SYT2: variants seen among roughly 807,000 people sequenced by gnomAD.
SYT2 encodes synaptotagmin 2, also known as synaptotagmin-2.
In SYT2, 15 loss-of-function variants were observed where a neutral mutation model predicts 39.9. The observed-to-expected ratio is 0.38, with a 90% CI of 0.25 to 0.58. The LOEUF (loss-of-function observed/expected upper bound fraction) is 0.58. Ranked by LOEUF, SYT2 falls within the 20% of genes least tolerant of loss-of-function variation. The probability of loss-of-function intolerance (pLI) is 0.70; values close to 1 mark genes in which losing one functional copy is unlikely to be tolerated. For synonymous variants in SYT2, 181 were observed against 204.5 expected (o/e 0.89, Z 0.98); for missense variants, 389 against 530.3 (o/e 0.73, Z 2.62).
intron 1 of SYT2, among the ~76,000 whole-genome samples, chr1:202,609,730 T>C (rs1340150165): frequency 1.3e-5 from 2 of 152,192 alleles, no homozygotes; most frequent in African/African-American, 2.4e-5. Flanking sequence ...CACTTTTTGA[T>C]GGGGTTGTTT....
At chr1:202,663,511 C>G (rs180761756) in intron 1 of SYT2, among the ~76,000 whole-genome samples, 2 of 152,358 alleles carry the variant, frequency 1.3e-5, no homozygotes, top group Non-Finnish European at 1.5e-5. Context: ...GTTCACTCCA[C>G]TTCGAAACCT....
Position 202,637,161 on chromosome 1 carries a change from AAAC to A in SYT2, c.-17-31375_-17-31373del, listed in dbSNP as rs199970116. Among the ~76,000 whole-genome samples, 242 of 152,176 alleles carry A rather than the reference AAAC, an allele frequency of 1.6e-3. 4 individuals carry two copies. In the East Asian group the frequency reaches 0.038, roughly 24 times the overall value. On this transcript the variant is annotated intron_variant, in intron 1 of 8. Coordinates refer to ENST00000367268, the MANE Select transcript of SYT2 (RefSeq NM_177402.5). ...ACATGGTGAAACCCTGCCTCTACCA[AAAC>A]AACAACAACAACAAAGAAAAACCTC... is the stretch of plus-strand genomic sequence containing the variant.
At chr1:202,659,714 T>C (rs865984088) in intron 1 of SYT2, among the ~76,000 whole-genome samples, 2 of 152,218 alleles carry the variant, frequency 1.3e-5, no homozygotes, top group Middle Eastern at 3.4e-3. Flanking sequence ...GCCCTTCTCC[T>C]CTAATGTTGG....
At chr1:202,649,915 C>T (rs1271699341) in intron 1 of SYT2, among the ~76,000 whole-genome samples, 5 of 152,246 alleles carry the variant, frequency 3.3e-5, no homozygotes, top group Non-Finnish European at 7.3e-5. Context: ...TTGCCCAAGA[C>T]CGCACAGCCA....
Position 202,595,385 on chromosome 1 carries a change from C to G in SYT2, c.*1372G>C, listed in dbSNP as rs754950679. 6.6e-6 allele frequency: 1 copy of G among 152,230 alleles called. No individual in the cohort carries two copies. Among genetic ancestry groups the G allele is most frequent in the South Asian group, 2.1e-4 (1 of 4,836 alleles). 9.4% of individuals were successfully genotyped at this position (152,230 alleles called of 1,614,324 possible). A position where few individuals can be genotyped will look rare whatever the true frequency, so the allele number is the denominator to read the frequency against. ...CTTAGCATTCATAGAGAGAAGCCCC[C>G]TAATGGTAGGACGGGTCCTTCCCAT... On this transcript the variant is annotated 3_prime_UTR_variant, in exon 9 of 9. Coordinates refer to ENST00000367268, the MANE Select transcript of SYT2 (RefSeq NM_177402.5).
At position 202,599,388 on chromosome 1, in the gene SYT2, C is replaced by T. The variant is rs1005833477; in HGVS notation, c.920-37G>A. ...GAATCCCAACCCCAGAGAGGTTCCC[C>T]TTAGCCCCCAGCCTTCCTGCCGAAT... On this transcript the variant is annotated intron_variant, in intron 7 of 8. Transcript: ENST00000367268. The surrounding 1 kb of genome is among the most constrained non-coding windows in gnomAD (Gnocchi z 4.4). 6 of 1,558,688 alleles carry T rather than the reference C, an allele frequency of 3.8e-6. No homozygotes were observed. The highest frequency in any genetic ancestry group is 2.8e-5 in the African/African-American group (2 of 71,298).
Position 202,630,006 on chromosome 1 carries a change from G to A in SYT2, c.-17-24217C>T, listed in dbSNP as rs556906410. 5.3e-4 allele frequency among the ~76,000 whole-genome samples: 81 copies of A among 152,210 alleles called. 2 individuals carry two copies. In the South Asian group the frequency reaches 0.017, roughly 32 times the overall value. ...GGGCTTCTAGAAATATCAGCATTTGGAGGATTTGTAGAGAAAGAAGAAAGC... is the reference window on the plus strand; with the variant it reads ...GGGCTTCTAGAAATATCAGCATTTGAAGGATTTGTAGAGAAAGAAGAAAGC... On this transcript the variant is annotated intron_variant, in intron 1 of 8. Transcript: ENST00000367268.
intron 1 of SYT2, among the ~76,000 whole-genome samples, chr1:202,691,591 A>G (rs1572682123): frequency 6.6e-6 from 1 of 150,682 alleles, no homozygotes; most frequent in African/African-American, 2.4e-5. Flanking sequence ...TCGAGGTTGC[A>G]GTGAGCTGAA....
chr1:202,648,547 A>T (rs1440525877), intron 1 of SYT2, among the ~76,000 whole-genome samples: 1 of 152,196 alleles, frequency 6.6e-6, no homozygotes, highest in Non-Finnish European at 1.5e-5. Context: ...CCTGCTATGG[A>T]CCAGACAGTT....
At position 202,601,435 on chromosome 1, in the gene SYT2, G is replaced by T. The variant is rs373628386; in HGVS notation, c.801+455C>A. Among the ~76,000 whole-genome samples, 22 of 152,318 alleles carry T rather than the reference G, an allele frequency of 1.4e-4. No individual in the cohort carries two copies. Among genetic ancestry groups the T allele is most frequent in the African/African-American group, 5.1e-4 (21 of 41,562 alleles). ...ATGGAGTTTTAGGTACACAGCAATT[G>T]CTCAGCAAATATTTAGTGAGTGAAT... On this transcript the variant is annotated intron_variant, in intron 6 of 8. Coordinates refer to ENST00000367268, the MANE Select transcript of SYT2 (RefSeq NM_177402.5). This position sits in a 1 kb window ranked among gnomAD's most constrained non-coding sequence, Gnocchi z 4.0.
Position 202,602,530 on chromosome 1 carries a change from G to A in SYT2, c.481C>T (p.Leu161=), listed in dbSNP as rs1339001503. The change falls in exon 5 of 9, where the codon CTG becomes TTG. Residue 161 remains leucine (L), a synonymous_variant. Coordinates refer to ENST00000367268, the MANE Select transcript of SYT2 (RefSeq NM_177402.5). ...FQANQLTVGV[L]QAAELPALDM... The stretch of plus-strand genomic sequence containing the variant: ...AGGGCAGGCAGTTCAGCAGCCTGCA[G>A]AACGCCCACAGTAAGCTGTGGAGAG... The A allele has an allele frequency of 1.9e-6, 3 of 1,613,174 alleles. No homozygotes were observed. The highest frequency in any genetic ancestry group is 2.5e-6 in the Non-Finnish European group (3 of 1,179,768).
intron 1 of SYT2, among the ~76,000 whole-genome samples, chr1:202,642,475 C>T (rs939919524): frequency 6.6e-6 from 1 of 152,164 alleles, no homozygotes; most frequent in Non-Finnish European, 1.5e-5. Flanking sequence ...GTAGGGCCCT[C>T]GTTTCCACTG....
Position 202,601,935 on chromosome 1 carries a change from C to T in SYT2, c.756G>A (p.Gln252=). Residue 252 remains glutamine (Q), a synonymous_variant, in exon 6 of 9, where the codon CAG becomes CAA. Coordinates refer to ENST00000367268, the MANE Select transcript of SYT2 (RefSeq NM_177402.5). This position sits in a 1 kb window ranked among gnomAD's most constrained non-coding sequence, Gnocchi z 4.0. The stretch of plus-strand genomic sequence containing the variant: ...GCAGGTCTCTCCACTCCTCAATGGG[C>T]TGGCCGAGGTCCACTGTGTTCATAG... The part of the protein sequence containing the change: ...KVPMNTVDLG[Q]PIEEWRDLQG... 2.5e-6 allele frequency: 4 copies of T among 1,614,192 alleles called. No homozygotes were observed. The highest frequency in any genetic ancestry group is 3.4e-6 in the Non-Finnish European group (4 of 1,180,028).
intron 3 of SYT2, chr1:202,604,189 C>T: frequency 2.7e-6 from 1 of 375,104 alleles, no homozygotes. Context: ...ACATTTTGTC[C>T]CAGTAGCCTC....
chr1:202,693,126 C>T (rs909803365), intron 1 of SYT2, among the ~76,000 whole-genome samples: 13 of 152,230 alleles, frequency 8.5e-5, no homozygotes, highest in African/African-American at 3.1e-4. Context: ...TGTCTGTGAG[C>T]AGAGGAGGGC....
intron 1 of SYT2, among the ~76,000 whole-genome samples, chr1:202,662,412 C>T (rs1450401165): frequency 1.3e-5 from 2 of 152,254 alleles, no homozygotes; most frequent in Non-Finnish European, 2.9e-5. Context: ...TAATGATGCT[C>T]AGGGCAGCAT....
intron 1 of SYT2, among the ~76,000 whole-genome samples, chr1:202,650,940 C>T (rs966965660): frequency 1.3e-5 from 2 of 151,746 alleles, no homozygotes; most frequent in South Asian, 2.1e-4. Context: ...AGAAGGAGGA[C>T]GCTGGGCATG....
chr1:202,598,606 C>T (rs1690383335), intron 8 of SYT2, among the ~76,000 whole-genome samples: 2 of 147,806 alleles, frequency 1.4e-5, no homozygotes, highest in Admixed American at 1.4e-4. Flanking sequence ...TGCAAGCCCC[C>T]AGCTGCGCCT....
intron 1 of SYT2, among the ~76,000 whole-genome samples, chr1:202,609,890 A>G (rs1168459810): frequency 6.6e-6 from 1 of 152,106 alleles, no homozygotes; most frequent in East Asian, 1.9e-4. Flanking sequence ...CTTTAGTTTA[A>G]TTGGATCCCA....
Sources: gnomAD v4.1 joint callset for allele counts (sites outside exome capture counted in the v4.1 genomes callset) on GRCh38, gnomAD v4.1.1 for gene constraint, Gnocchi (gnomAD v3.1) non-coding constraint, MANE v1.5 for transcripts, NCBI Gene and HGNC (gene_info 2026-07-23, HGNC 2026-07-21) for gene names.